Variants in MGLL observed in about 807,000 individuals in gnomAD.
The protein encoded by MGLL is lysophospholipase homolog.
MGLL carries 7 observed loss-of-function variants against 29.1 expected under a neutral mutation model. That is an observed-to-expected ratio of 0.24 (90% CI 0.14 to 0.45). The LOEUF (loss-of-function observed/expected upper bound fraction) is 0.45. MGLL is among the 20% of genes least tolerant of loss of function. The pLI is 0.99. For synonymous variants in MGLL, 148 were observed against 168.3 expected, an observed-to-expected ratio of 0.88 and a Z score of 0.93; for missense variants, 356 against 413.6, an observed-to-expected ratio of 0.86 and a Z score of 1.21.
chr3:127,794,982 T>A (rs1012002235), intron 2 of MGLL, among the ~76,000 whole-genome samples: 21 of 152,224 alleles, frequency 1.4e-4, no homozygotes, highest in Non-Finnish European at 2.6e-4. Context: ...CTCAAAGAAC[T>A]GCAAACAGAA....
At chr3:127,701,753 AC>A (rs1448827425) in intron 6 of MGLL, among the ~76,000 whole-genome samples, 2 of 150,838 alleles carry the variant, frequency 1.3e-5, no homozygotes, top group East Asian at 3.9e-4. Context: ...TCATCCCCAG[AC>A]CCCTTTCCTC....
chr3:127,705,233 C>T lies in MGLL; in HGVS notation c.600+5343G>A, dbSNP rs149263742. On this transcript the variant is annotated intron_variant, in intron 6 of 7. Transcript: ENST00000265052. ...CTGGGGCCTGTCAGGAGGAGGGGCA[C>T]GGGGGGAGGGAGAGCATCAGGATAA... Among the ~76,000 whole-genome samples, 648 of 146,122 alleles carry T rather than the reference C, an allele frequency of 4.4e-3. 3 individuals are homozygous for T. Among genetic ancestry groups the T allele is most frequent in the Non-Finnish European group, 6.4e-3 (426 of 66,714 alleles).
intron 2 of MGLL, among the ~76,000 whole-genome samples, chr3:127,798,645 TC>T (rs1181302509): frequency 3.3e-5 from 5 of 152,054 alleles, no homozygotes; most frequent in Non-Finnish European, 5.9e-5. Context: ...GCCCCCAGTT[TC>T]CCCCACTCAA....
chr3:127,777,245 C>A (rs586919), intron 3 of MGLL, among the ~76,000 whole-genome samples: 43 of 152,138 alleles, frequency 2.8e-4, no homozygotes, highest in South Asian at 1.2e-3. Context: ...AAAGGAAATC[C>A]TGTGAGTGAG....
chr3:127,701,110 G>A (rs1381407203), intron 6 of MGLL, among the ~76,000 whole-genome samples: 6 of 151,582 alleles, frequency 4.0e-5, no homozygotes, highest in Admixed American at 3.9e-4. Context: ...AGCTACTGCG[G>A]GGGCTGAGGT....
At chr3:127,810,756 G>A (rs755434546) in intron 2 of MGLL, among the ~76,000 whole-genome samples, 6 of 152,222 alleles carry the variant, frequency 3.9e-5, no homozygotes, top group Non-Finnish European at 7.3e-5. Flanking sequence ...CATGCTGTTT[G>A]TGGACCCTCC....
rs2075217258 is a variant in MGLL, at chr3:127,690,172, C to T, written c.*2026G>A. 6.6e-6 allele frequency: 1 copy of T among 152,178 alleles called. No homozygotes were observed. Among genetic ancestry groups the T allele is most frequent in the Non-Finnish European group, 1.5e-5 (1 of 68,030 alleles). 9.4% of individuals were successfully genotyped at this position (152,178 alleles called of 1,614,324 possible). On this transcript the variant is annotated 3_prime_UTR_variant, in exon 8 of 8. Transcript: ENST00000265052. ...GATCTGAGCCCAGGGCATCTCTGGG[C>T]TTTTGGAAAGGGTTCCTGCTTTTCC...
upstream of MGLL, chr3:127,823,006 G>C (rs567555370): frequency 1.1e-4 from 17 of 152,314 alleles, no homozygotes; most frequent in African/African-American, 4.1e-4. Flanking sequence ...CACGCCGGGC[G>C]TGTCCGGGAC....
At chr3:127,705,246 A>G (rs2075576548) in intron 6 of MGLL, among the ~76,000 whole-genome samples, 1 of 152,086 alleles carries the variant, frequency 6.6e-6, no homozygotes, top group African/African-American at 2.4e-5. Context: ...GGGGAGGGAG[A>G]GCATCAGGAT....
chr3:127,764,221 G>A (rs761271697), intron 3 of MGLL, among the ~76,000 whole-genome samples: 2 of 152,188 alleles, frequency 1.3e-5, no homozygotes, highest in Non-Finnish European at 2.9e-5. Flanking sequence ...GTGAGCATCT[G>A]CTCCCACCAC....
intron 3 of MGLL, among the ~76,000 whole-genome samples, chr3:127,777,562 T>G (rs1237805434): frequency 6.6e-6 from 1 of 152,224 alleles, no homozygotes; most frequent in African/African-American, 2.4e-5. Flanking sequence ...TGTCACTTCC[T>G]GCTTCCTCTA....
chr3:127,811,713 C>T (rs1399656184), intron 2 of MGLL, among the ~76,000 whole-genome samples: 1 of 152,200 alleles, frequency 6.6e-6, no homozygotes, highest in Non-Finnish European at 1.5e-5. Context: ...AAAACTGCCA[C>T]CTTAATAACA....
chr3:127,692,418 C>A (rs1228307560), intron 7 of MGLL, 95 bp from the exon 8 acceptor site: 4 of 1,502,328 alleles, frequency 2.7e-6, no homozygotes, highest in Non-Finnish European at 3.7e-6. Context: ...CTGCAGCATT[C>A]TCCGGACCCT....
At chr3:127,700,687 A>C (rs1207361068) in intron 6 of MGLL, among the ~76,000 whole-genome samples, 2 of 152,262 alleles carry the variant, frequency 1.3e-5, no homozygotes, top group Non-Finnish European at 1.5e-5. Flanking sequence ...GCCAGCACAG[A>C]CCTCACGGCA....
intron 3 of MGLL, among the ~76,000 whole-genome samples, chr3:127,725,076 T>C (rs572280985): frequency 6.6e-6 from 1 of 152,044 alleles, no homozygotes; most frequent in East Asian, 1.9e-4. Flanking sequence ...TTTTCCCACC[T>C]ACATTCTCTC....
intron 3 of MGLL, among the ~76,000 whole-genome samples, chr3:127,723,895 C>G (rs1420307149): frequency 1.3e-5 from 2 of 152,098 alleles, no homozygotes; most frequent in South Asian, 2.1e-4. Flanking sequence ...AAGACAGGGT[C>G]TTAAAAAACA....
chr3:127,736,959 T>C (rs774312614), intron 3 of MGLL, among the ~76,000 whole-genome samples: 2 of 152,160 alleles, frequency 1.3e-5, no homozygotes, highest in Admixed American at 1.3e-4. Flanking sequence ...CCTCCCAAAG[T>C]GCAGGGATTA....
At chr3:127,760,802 G>A (rs965365688) in intron 3 of MGLL, among the ~76,000 whole-genome samples, 3 of 152,206 alleles carry the variant, frequency 2.0e-5, no homozygotes, top group African/African-American at 7.2e-5. Context: ...ATTTCAGTCC[G>A]ACTTTGCCCC....
intron 2 of MGLL, among the ~76,000 whole-genome samples, chr3:127,814,784 T>C (rs970908002): frequency 1.3e-5 from 2 of 152,226 alleles, no homozygotes; most frequent in Non-Finnish European, 2.9e-5. Context: ...TTGAAGAGTA[T>C]TTTTAAAAAG....
Sources: gnomAD v4.1 joint callset for allele counts (sites outside exome capture counted in the v4.1 genomes callset) on GRCh38, gnomAD v4.1.1 for gene constraint, MANE v1.5 for transcripts, NCBI Gene and HGNC (gene_info 2026-07-23, HGNC 2026-07-21) for gene names.